IMMP2L: variants seen among roughly 807,000 people sequenced by gnomAD.
IMMP2L encodes inner mitochondrial membrane peptidase subunit 2.
In IMMP2L, 18 loss-of-function variants were observed where a neutral mutation model predicts 19.3. That is an observed-to-expected ratio of 0.93 (90% CI 0.64 to 1.38). The LOEUF is 1.38. IMMP2L is among the 40% of genes most tolerant of loss of function. IMMP2L has a pLI of 0.00. For synonymous variants in IMMP2L, 76 were observed against 73.0 expected, an observed-to-expected ratio of 1.04 and a Z score of -0.21; for missense variants, 233 against 218.2, an observed-to-expected ratio of 1.07 and a Z score of -0.43.
intron 3 of IMMP2L, among the ~76,000 whole-genome samples, chr7:111,231,386 A>C (rs1033591688): frequency 8.6e-5 from 13 of 152,012 alleles, no homozygotes; most frequent in African/African-American, 3.1e-4. Flanking sequence ...TGATTTTCCC[A>C]AAAAGGCAAG....
chr7:111,135,790 T>C (rs1417670338), intron 3 of IMMP2L, among the ~76,000 whole-genome samples: 1 of 152,210 alleles, frequency 6.6e-6, no homozygotes, highest in African/African-American at 2.4e-5. Flanking sequence ...CAAAAGCCTG[T>C]CATTCTGCCT....
intron 5 of IMMP2L, among the ~76,000 whole-genome samples, chr7:110,869,471 C>T (rs918965085): frequency 6.6e-6 from 1 of 152,142 alleles, no homozygotes; most frequent in Admixed American, 6.6e-5. Context: ...CATACACATA[C>T]AACCCACTTC....
At chr7:111,296,472 T>C (rs1821649280) in intron 3 of IMMP2L, among the ~76,000 whole-genome samples, 1 of 151,730 alleles carries the variant, frequency 6.6e-6, no homozygotes, top group South Asian at 2.1e-4. Flanking sequence ...AAAACTAAAA[T>C]GAGGTATCTT....
intron 5 of IMMP2L, among the ~76,000 whole-genome samples, chr7:110,716,086 C>T (rs1240944153): frequency 6.6e-6 from 1 of 151,184 alleles, no homozygotes; most frequent in African/African-American, 2.4e-5. Context: ...GTGACCCCTG[C>T]TTTTTTTTGT....
At chr7:111,493,792 G>A (rs1483916200) in intron 2 of IMMP2L, among the ~76,000 whole-genome samples, 1 of 150,772 alleles carries the variant, frequency 6.6e-6, no homozygotes, top group African/African-American at 2.4e-5. Flanking sequence ...CAGATCATGA[G>A]GTCAGGAGAT....
At chr7:111,072,087 T>C (rs1332003552) in intron 3 of IMMP2L, among the ~76,000 whole-genome samples, 1 of 152,084 alleles carries the variant, frequency 6.6e-6, no homozygotes, top group East Asian at 1.9e-4. Flanking sequence ...TTACAACTCA[T>C]TGTTGGGAAA....
chr7:111,133,218 C>T lies in IMMP2L; in HGVS notation c.240-169653G>A, dbSNP rs1308440136. Among the ~76,000 whole-genome samples, 3 of 151,936 alleles carry T rather than the reference C, an allele frequency of 2.0e-5. No individual in the cohort carries two copies. The East Asian group carries it at 5.8e-4, about 29-fold the overall frequency. On this transcript the variant is annotated intron_variant, in intron 3 of 5. Transcript: ENST00000405709. ...AGACAAATCTCCTGACATCCTAAAA[C>T]TGAGAGTGAAAAGGTAAATACCAAC...
chr7:110,820,931 C>A (rs1802969330), intron 5 of IMMP2L, among the ~76,000 whole-genome samples: 1 of 152,052 alleles, frequency 6.6e-6, no homozygotes, highest in Non-Finnish European at 1.5e-5. Flanking sequence ...TCTCCCTCCA[C>A]TAAAATGTTT....
chr7:111,147,257 C>T (rs1803579197), intron 3 of IMMP2L, among the ~76,000 whole-genome samples: 1 of 152,060 alleles, frequency 6.6e-6, no homozygotes, highest in African/African-American at 2.4e-5. Flanking sequence ...AAATTCAGTC[C>T]TATACATTCA....
chr7:111,524,043 C>T (rs936691851), intron 1 of IMMP2L, among the ~76,000 whole-genome samples: 1 of 151,990 alleles, frequency 6.6e-6, no homozygotes, highest in African/African-American at 2.4e-5. Context: ...CATGTACTAC[C>T]TCCATTAATA....
chr7:111,360,523 A>T, intron 3 of IMMP2L, among the ~76,000 whole-genome samples: 1 of 152,132 alleles, frequency 6.6e-6, no homozygotes, highest in Non-Finnish European at 1.5e-5. Context: ...GATTTATGAA[A>T]ATCTAAAACA....
chr7:110,717,451 C>G (rs999926058), intron 5 of IMMP2L, among the ~76,000 whole-genome samples: 1 of 152,128 alleles, frequency 6.6e-6, no homozygotes, highest in Non-Finnish European at 1.5e-5. Flanking sequence ...GACAACAGAG[C>G]AAGACTACGT....
At chr7:111,122,052 G>A (rs1035184454) in intron 3 of IMMP2L, among the ~76,000 whole-genome samples, 3 of 146,732 alleles carry the variant, frequency 2.0e-5, no homozygotes, top group Non-Finnish European at 4.5e-5. Context: ...ACACAGGAAG[G>A]GGAACATCAC....
chr7:110,902,232 TA>T (rs746316282), intron 4 of IMMP2L, among the ~76,000 whole-genome samples: 11 of 151,848 alleles, frequency 7.2e-5, no homozygotes, highest in Non-Finnish European at 1.5e-4. Context: ...AAAAATGTGA[TA>T]AATGGTAGAT....
intron 5 of IMMP2L, among the ~76,000 whole-genome samples, chr7:110,754,078 C>T (rs1441223291): frequency 1.3e-5 from 2 of 151,870 alleles, no homozygotes; most frequent in Non-Finnish European, 2.9e-5. Context: ...TTTTTCCTGT[C>T]CTCTTTTCAA....
intron 3 of IMMP2L, among the ~76,000 whole-genome samples, chr7:111,339,219 G>A (rs528559709): frequency 6.6e-6 from 1 of 152,044 alleles, no homozygotes; most frequent in South Asian, 2.1e-4. Flanking sequence ...CTATTCATCA[G>A]AAATTATAAT....
At chr7:111,488,343 A>G (rs1842820165) in intron 2 of IMMP2L, among the ~76,000 whole-genome samples, 1 of 151,762 alleles carries the variant, frequency 6.6e-6, no homozygotes, top group Non-Finnish European at 1.5e-5. Flanking sequence ...CACCACCCAC[A>G]TTTTCCCCCA....
chr7:111,412,374 C>T lies in IMMP2L; in HGVS notation c.239+74864G>A, dbSNP rs933593422. The stretch of plus-strand genomic sequence containing the variant: ...AGAATACACATAATTTGCTAATGCA[C>T]GTAAAAAAATTAACTAAAATAGGGC... On this transcript the variant is annotated intron_variant, in intron 3 of 5. Transcript: ENST00000405709. Among the ~76,000 whole-genome samples, 14 of 151,456 alleles carry T rather than the reference C, an allele frequency of 9.2e-5. No individual in the cohort carries two copies. The South Asian group carries it at 1.2e-3, about 13-fold the overall frequency.
chr7:111,234,975 A>AG (rs1438304474), intron 3 of IMMP2L, among the ~76,000 whole-genome samples: 6 of 152,108 alleles, frequency 3.9e-5, no homozygotes, highest in African/African-American at 9.7e-5. Context: ...CTGTAAGGGG[A>AG]GAAAATTACC....
Sources: allele counts gnomAD v4.1 joint callset (sites outside exome capture counted in the v4.1 genomes callset), GRCh38; gene constraint gnomAD v4.1.1; transcripts MANE v1.5; gene names NCBI Gene and HGNC (gene_info 2026-07-23, HGNC 2026-07-21).